The following CDKL3 variants were observed in gnomAD, a reference collection of about 807,000 sequenced individuals.
CDKL3 encodes cyclin-dependent kinase-like 3.
A neutral mutation model predicts 69.3 loss-of-function variants in CDKL3; 65 were observed. That is an observed-to-expected ratio of 0.94 (90% CI 0.77 to 1.15). The LOEUF (loss-of-function observed/expected upper bound fraction) is 1.15. Ranked by LOEUF, CDKL3 falls within the 50% of genes most tolerant of loss-of-function variation. The probability of loss-of-function intolerance (pLI) is 0.00; values close to 1 mark genes in which losing one functional copy is unlikely to be tolerated. For synonymous variants in CDKL3, 202 were observed against 221.6 expected, an observed-to-expected ratio of 0.91 and a Z score of 0.79; for missense variants, 652 against 689.2, an observed-to-expected ratio of 0.95 and a Z score of 0.61.
At chr5:134,306,569 TA>T (rs1189617636) in intron 10 of CDKL3, 39 bp downstream of exon 10, 3 of 1,164,264 alleles carry the variant, frequency 2.6e-6, no homozygotes, top group Non-Finnish European at 1.3e-6. Flanking sequence ...GAAGTAATGT[TA>T]AAAGAGGCCA....
upstream of CDKL3, chr5:134,367,189 C>T (rs1757649351): frequency 1.0e-6 from 1 of 985,516 alleles, no homozygotes; most frequent in Non-Finnish European, 1.2e-6. Context: ...TGCGCAAGAC[C>T]GGAACATGGG....
intron 4 of CDKL3, among the ~76,000 whole-genome samples, chr5:134,338,382 G>A (rs1310850272): frequency 6.6e-6 from 1 of 152,004 alleles, no homozygotes; most frequent in African/African-American, 2.4e-5. Context: ...AGAAAAAAAA[G>A]GAACAACCCT....
intron 3 of CDKL3, among the ~76,000 whole-genome samples, chr5:134,357,887 A>G (rs1755014027): frequency 6.6e-6 from 1 of 152,042 alleles, no homozygotes; most frequent in Admixed American, 6.6e-5. Flanking sequence ...ATAAAATTAG[A>G]TTTTGTTTTC....
chr5:134,285,881 T>C (rs1354525135), downstream of CDKL3, among the ~76,000 whole-genome samples: 1 of 152,224 alleles, frequency 6.6e-6, no homozygotes, highest in Non-Finnish European at 1.5e-5. Flanking sequence ...CCCAGCACTT[T>C]GGGAGGCCAA....
At chr5:134,336,750 T>C (rs1233047885) in intron 4 of CDKL3, among the ~76,000 whole-genome samples, 1 of 152,172 alleles carries the variant, frequency 6.6e-6, no homozygotes, top group Non-Finnish European at 1.5e-5. Context: ...TGGCCCCTAC[T>C]GGGAGGTGTC....
chr5:134,304,879 C>T (rs1767364666), intron 10 of CDKL3, among the ~76,000 whole-genome samples: 1 of 150,122 alleles, frequency 6.7e-6, no homozygotes, highest in Non-Finnish European at 1.5e-5. Context: ...ATGATCATGA[C>T]TCATTGCAGC....
At chr5:134,321,710 G>A (rs1772841059) in intron 5 of CDKL3, 81 bp downstream of exon 5, 1 of 773,760 alleles carries the variant, frequency 1.3e-6, no homozygotes, top group East Asian at 2.8e-5. Flanking sequence ...ACACAGAAAA[G>A]CTAAATTTGA....
At chr5:134,312,195 T>G in intron 7 of CDKL3, 97 bp downstream of exon 7, 2 of 703,894 alleles carry the variant, frequency 2.8e-6, no homozygotes, top group South Asian at 3.4e-5. Context: ...ACTGAATATT[T>G]GTTATATAAA....
chr5:134,367,854 T>TA (rs757967815), upstream of CDKL3, among the ~76,000 whole-genome samples: 1 of 152,062 alleles, frequency 6.6e-6, no homozygotes, highest in Non-Finnish European at 1.5e-5. Flanking sequence ...AGCACGGAAA[T>TA]AAAGAGGCCA....
At chr5:134,320,408 G>C (rs1772406525) in intron 5 of CDKL3, among the ~76,000 whole-genome samples, 1 of 151,564 alleles carries the variant, frequency 6.6e-6, no homozygotes, top group Non-Finnish European at 1.5e-5. Context: ...CAAAACCGCG[G>C]CTGCACTAAA....
chr5:134,304,837 ATTAT>A (rs1767340579), intron 10 of CDKL3, among the ~76,000 whole-genome samples: 1 of 148,418 alleles, frequency 6.7e-6, no homozygotes, highest in Non-Finnish European at 1.5e-5. Flanking sequence ...TAATAATATT[ATTAT>A]TATTATTATT....
chr5:134,347,073 C>A (rs1752079264), intron 4 of CDKL3, among the ~76,000 whole-genome samples: 1 of 151,946 alleles, frequency 6.6e-6, no homozygotes, highest in Admixed American at 6.6e-5. Context: ...TAAAGTTAAA[C>A]CTCCATAGTA....
downstream of CDKL3, among the ~76,000 whole-genome samples, chr5:134,294,642 AC>A (rs1488696312): frequency 2.6e-5 from 4 of 152,056 alleles, no homozygotes; most frequent in African/African-American, 9.7e-5. Flanking sequence ...CTAAGAATAA[AC>A]AAAGAAGATG....
In CDKL3 at chr5:134,343,278, T is replaced by C. The variant is rs531322709; in HGVS notation, c.539+6971A>G. 1.6e-4 allele frequency among the ~76,000 whole-genome samples: 25 copies of C among 151,722 alleles called. No individual in the cohort carries two copies. In the South Asian group the frequency reaches 4.8e-3, roughly 29 times the overall value. On this transcript the variant is annotated intron_variant, in intron 4 of 12. Transcript: ENST00000265334. ...ACAGATCAATGGAACAGAATTGAGA[T>C]TCTAGAAATAAGCCCTTATGAAACC...
At chr5:134,364,093 C>T (rs1046952305) in intron 2 of CDKL3, among the ~76,000 whole-genome samples, 2 of 151,614 alleles carry the variant, frequency 1.3e-5, no homozygotes, top group Non-Finnish European at 2.9e-5. Flanking sequence ...GCATATGAAA[C>T]AGCTATACTA....
chr5:134,328,814 T>C (rs1775026934), intron 4 of CDKL3, among the ~76,000 whole-genome samples: 1 of 152,122 alleles, frequency 6.6e-6, no homozygotes, highest in African/African-American at 2.4e-5. Flanking sequence ...GACTTCTTAA[T>C]AGAAACAATG....
At chr5:134,285,047 A>T (rs996398385), downstream of CDKL3, among the ~76,000 whole-genome samples, 2 of 152,362 alleles carry the variant, frequency 1.3e-5, no homozygotes, top group African/African-American at 4.8e-5. Flanking sequence ...TGATTGGGGA[A>T]GTGATAAATG....
intron 12 of CDKL3, chr5:134,299,653 T>A: frequency 2.6e-6 from 4 of 1,518,480 alleles, no homozygotes; most frequent in Non-Finnish European, 3.5e-6. Flanking sequence ...TAAAAAACCA[T>A]ACAGTGATTC....
intron 6 of CDKL3, among the ~76,000 whole-genome samples, chr5:134,317,950 TGGG>T (rs1771606690): frequency 6.6e-6 from 1 of 152,020 alleles, no homozygotes; most frequent in Non-Finnish European, 1.5e-5. Context: ...CCAGGCACGG[TGGG>T]TCACGCCTGT....
Sources: gnomAD v4.1 joint callset for allele counts (sites outside exome capture counted in the v4.1 genomes callset) on GRCh38, gnomAD v4.1.1 for gene constraint, MANE v1.5 for transcripts, NCBI Gene and HGNC (gene_info 2026-07-23, HGNC 2026-07-21) for gene names.